Variants in CD5 observed in about 807,000 individuals in gnomAD.
CD5 encodes the protein T-cell surface glycoprotein CD5.
CD5 carries 36 observed loss-of-function variants against 60.3 expected under a neutral mutation model. That is an observed-to-expected ratio of 0.60 (90% CI 0.46 to 0.79). The LOEUF (loss-of-function observed/expected upper bound fraction) is 0.79. Among genes scored for constraint, CD5 ranks in the 30% least tolerant of loss-of-function variants. CD5 has a pLI of 0.00. For synonymous variants in CD5, 230 were observed against 257.6 expected (o/e 0.89, Z 1.03); for missense variants, 540 against 630.6 (o/e 0.86, Z 1.54).
At chr11:61,103,241 G>C (rs920548789) in intron 1 of CD5, among the ~76,000 whole-genome samples, 1 of 152,254 alleles carries the variant, frequency 6.6e-6, no homozygotes, top group Non-Finnish European at 1.5e-5. Flanking sequence ...CTCCAGCCCT[G>C]GGTTGTAAGC....
At position 61,123,175 on chromosome 11, in the gene CD5, C is replaced by G. The variant is rs573198698; in HGVS notation, c.1225+143C>G. 218 of 956,924 alleles carry G rather than the reference C, an allele frequency of 2.3e-4. No homozygotes were observed. The African/African-American group carries it at 3.2e-3, about 14-fold the overall frequency. The allele number at this position is 956,924 out of a possible 1,614,324, so 59.3% of individuals were successfully genotyped here. On this transcript the variant is annotated intron_variant, in intron 7 of 10. Coordinates refer to ENST00000347785, the MANE Select transcript of CD5 (RefSeq NM_014207.4). ...GCTTCACCACCCAGCCTTCCCCTCTCCTGCCCATTAGCCATTTTCTGCCCC... is the reference window on the plus strand; with the variant it reads ...GCTTCACCACCCAGCCTTCCCCTCTGCTGCCCATTAGCCATTTTCTGCCCC...
chr11:61,113,619 G>A (rs982574939), intron 1 of CD5, among the ~76,000 whole-genome samples: 2 of 152,182 alleles, frequency 1.3e-5, no homozygotes, highest in Non-Finnish European at 2.9e-5. Context: ...GGGAATGCTA[G>A]AAAGTAGCAA....
chr11:61,111,486 T>C (rs1860855034), intron 1 of CD5, among the ~76,000 whole-genome samples: 1 of 152,220 alleles, frequency 6.6e-6, no homozygotes, highest in Non-Finnish European at 1.5e-5. Flanking sequence ...TGGCAGCTGC[T>C]GTTAATAATG....
At chr11:61,095,367 C>G in the CD5 span, among the ~76,000 whole-genome samples, 1 of 152,150 alleles carries the variant, frequency 6.6e-6, no homozygotes, top group Non-Finnish European at 1.5e-5. Flanking sequence ...GGTGGAAAGG[C>G]GTGCCTTTGT....
At chr11:61,124,169 T>C (rs1861113029) in intron 8 of CD5, among the ~76,000 whole-genome samples, 1 of 152,008 alleles carries the variant, frequency 6.6e-6, no homozygotes, top group African/African-American at 2.4e-5. Context: ...AGCCTCAGAG[T>C]GTAGAAACAT....
intron 1 of CD5, among the ~76,000 whole-genome samples, chr11:61,109,025 G>A (rs1226871915): frequency 6.6e-6 from 1 of 152,240 alleles, no homozygotes; most frequent in Non-Finnish European, 1.5e-5. Context: ...GGACCTAGGA[G>A]TGAGCCAGAG....
At chr11:61,102,218 C>T (rs970743469), upstream of CD5, among the ~76,000 whole-genome samples, 2 of 152,348 alleles carry the variant, frequency 1.3e-5, no homozygotes, top group African/African-American at 2.4e-5. Context: ...CCGTAACCCC[C>T]GCTCAGGGTC....
At chr11:61,121,116 G>A (rs574716085) in intron 5 of CD5, among the ~76,000 whole-genome samples, 30 of 152,360 alleles carry the variant, frequency 2.0e-4, no homozygotes, top group African/African-American at 6.2e-4. Flanking sequence ...TGGGCAGCAC[G>A]ATCTGTCCCA....
chr11:61,123,141 G>C, intron 7 of CD5, 109 bp downstream of exon 7: 1 of 1,296,358 alleles, frequency 7.7e-7, no homozygotes, highest in Non-Finnish European at 1.0e-6. Flanking sequence ...GGGCACGCAG[G>C]ACACCTCTGC....
chr11:61,116,196 T>C (rs944598964), intron 2 of CD5, among the ~76,000 whole-genome samples: 3 of 152,138 alleles, frequency 2.0e-5, no homozygotes, highest in African/African-American at 7.2e-5. Flanking sequence ...CTTGAATCAG[T>C]GACACATTCA....
intron 9 of CD5, 97 bp downstream of exon 9, chr11:61,125,248 A>C (rs1861131383): frequency 7.2e-7 from 1 of 1,383,056 alleles, no homozygotes; most frequent in Admixed American, 1.9e-5. Flanking sequence ...TGATGGCCCA[A>C]AGACAGAATG....
At chr11:61,100,824 T>A (rs1202189663), upstream of CD5, among the ~76,000 whole-genome samples, 4 of 73,986 alleles carry the variant, frequency 5.4e-5, no homozygotes, top group African/African-American at 1.2e-4. Context: ...AACATGGAGA[T>A]TACACACACA....
chr11:61,105,319 G>A (rs747986101), intron 1 of CD5, among the ~76,000 whole-genome samples: 1 of 152,212 alleles, frequency 6.6e-6, no homozygotes, highest in Non-Finnish European at 1.5e-5. Flanking sequence ...GCACTGGGAC[G>A]TGGGAAAGTC....
intron 6 of CD5, among the ~76,000 whole-genome samples, chr11:61,122,561 G>A (rs932391024): frequency 2.0e-5 from 3 of 151,996 alleles, no homozygotes; most frequent in African/African-American, 4.8e-5. Flanking sequence ...TAGAGGCCCC[G>A]CTGGCTATTG....
chr11:61,119,960 GC>G (rs149436588), intron 5 of CD5, among the ~76,000 whole-genome samples: 3,143 of 152,260 alleles, frequency 0.021, 118 homozygotes, highest in African/African-American at 0.07. Flanking sequence ...GGTGGGCCTT[GC>G]AGGAAGGGCA....
At chr11:61,107,399 G>A (rs1267999750) in intron 1 of CD5, among the ~76,000 whole-genome samples, 1 of 152,144 alleles carries the variant, frequency 6.6e-6, no homozygotes, top group Non-Finnish European at 1.5e-5. Flanking sequence ...CACCTCTCCA[G>A]GTCCTCAAGT....
upstream of CD5, chr11:61,102,258 A>T: frequency 2.3e-6 from 1 of 440,900 alleles, no homozygotes; most frequent in Non-Finnish European, 4.1e-6. Flanking sequence ...TCCCTCCAGG[A>T]TGCATGGCCT....
chr11:61,121,990 G>T lies in CD5; in HGVS notation c.1099+86G>T. ...TCAGGGTGCATGTCTCTAAAGGGAA[G>T]CCCTGGGGAGCTAGACAGAGAGTCC... On this transcript the variant is annotated intron_variant, in intron 6 of 10. Coordinates refer to ENST00000347785, the MANE Select transcript of CD5 (RefSeq NM_014207.4). 3 of 1,207,186 alleles carry T rather than the reference G, an allele frequency of 2.5e-6. No individual in the cohort carries two copies. In the South Asian group the frequency reaches 5.7e-5, roughly 23 times the overall value. 74.8% of individuals were successfully genotyped at this position (1,207,186 alleles called of 1,614,324 possible).
chr11:61,118,763 C>T lies in CD5; in HGVS notation c.401-152C>T. Reference sequence around the variant, plus strand: ...TGAAGTGGGGTGGTACTTCCCGCCTCGCAGGAGGCTTAGAGACAACGTGTG... The same window carrying T: ...TGAAGTGGGGTGGTACTTCCCGCCTTGCAGGAGGCTTAGAGACAACGTGTG... On this transcript the variant is annotated intron_variant, in intron 3 of 10. Coordinates refer to ENST00000347785, the MANE Select transcript of CD5 (RefSeq NM_014207.4). The surrounding 1 kb of genome is among the most constrained non-coding windows in gnomAD (Gnocchi z 4.7). 3.2e-6 allele frequency: 2 copies of T among 629,216 alleles called. No individual in the cohort carries two copies. Among genetic ancestry groups the T allele is most frequent in the South Asian group, 1.9e-5 (1 of 51,700 alleles). The allele number at this position is 629,216 out of a possible 1,614,324, so 39.0% of individuals were successfully genotyped here.
Sources: allele counts gnomAD v4.1 joint callset (sites outside exome capture counted in the v4.1 genomes callset), GRCh38; gene constraint gnomAD v4.1.1; non-coding constraint Gnocchi (gnomAD v3.1); transcripts MANE v1.5; gene names NCBI Gene and HGNC (gene_info 2026-07-23, HGNC 2026-07-21).